CDH4: variants seen among roughly 807,000 people sequenced by gnomAD.
The protein encoded by CDH4 is cadherin 4.
A neutral mutation model predicts 86.0 loss-of-function variants in CDH4; 33 were observed. The observed-to-expected ratio is 0.38, with a 90% CI of 0.29 to 0.51. The LOEUF (loss-of-function observed/expected upper bound fraction) is 0.51, where lower values mean the gene tolerates loss of function less well. Among genes scored for constraint, CDH4 ranks in the 20% least tolerant of loss-of-function variants. The pLI is 0.86. For missense variants in CDH4, 1,114 were observed against 1,307.4 expected, an observed-to-expected ratio of 0.85 and a Z score of 2.28; for synonymous variants, 555 against 549.4, an observed-to-expected ratio of 1.01 and a Z score of -0.14.
At chr20:61,720,373 CAGGGGTGCAGAGTGT>C in intron 2 of CDH4, among the ~76,000 whole-genome samples, 2 of 151,808 alleles carry the variant, frequency 1.3e-5, no homozygotes, top group Non-Finnish European at 2.9e-5. Flanking sequence ...GGGACACGTG[CAGGGGTGCAGAGTGT>C]AGGGGTGCAG....
chr20:61,659,631 C>T (rs2087230496), intron 2 of CDH4, among the ~76,000 whole-genome samples: 1 of 140,628 alleles, frequency 7.1e-6, no homozygotes, highest in Admixed American at 7.2e-5. Flanking sequence ...GGGCCTCAGC[C>T]ATCTGAGGCT....
chr20:61,546,635 AT>A (rs1168327035), intron 2 of CDH4, among the ~76,000 whole-genome samples: 1 of 151,808 alleles, frequency 6.6e-6, no homozygotes, highest in African/African-American at 2.4e-5. Context: ...CAGATATGAA[AT>A]GAGAGAACAG....
intron 3 of CDH4, among the ~76,000 whole-genome samples, chr20:61,748,834 C>T (rs79240145): frequency 0.11 from 13,553 of 119,250 alleles, 684 homozygotes; most frequent in African/African-American, 0.15. Flanking sequence ...TAAGTAGTAA[C>T]GTAATAAAAG....
At chr20:61,409,535 G>A (rs2085103903) in intron 2 of CDH4, among the ~76,000 whole-genome samples, 1 of 152,206 alleles carries the variant, frequency 6.6e-6, no homozygotes, top group Admixed American at 6.5e-5. Flanking sequence ...CTGGGCAGTC[G>A]GGACTCACCG....
intron 3 of CDH4, among the ~76,000 whole-genome samples, chr20:61,764,708 A>G (rs1265733549): frequency 6.6e-6 from 1 of 152,204 alleles, no homozygotes; most frequent in Admixed American, 6.5e-5. Context: ...CCCCAGATGT[A>G]AAGTGAAGCT....
At chr20:61,847,540 CGTGTAAACATGCG>C (rs1425979838) in intron 5 of CDH4, among the ~76,000 whole-genome samples, 2 of 152,134 alleles carry the variant, frequency 1.3e-5, no homozygotes, top group Non-Finnish European at 2.9e-5. Flanking sequence ...GCAAACATGC[CGTGTAAACATGCG>C]GTGTAAACAC....
intron 2 of CDH4, among the ~76,000 whole-genome samples, chr20:61,335,213 G>C (rs2084610773): frequency 6.6e-6 from 1 of 152,228 alleles, no homozygotes; most frequent in Non-Finnish European, 1.5e-5. Context: ...ATGTGCAGGG[G>C]CCAAGCCAGC....
chr20:61,748,142 C>CT (rs961103859), intron 3 of CDH4, among the ~76,000 whole-genome samples: 30 of 151,278 alleles, frequency 2.0e-4, no homozygotes, highest in Admixed American at 8.5e-4. Flanking sequence ...GATTTCTTTT[C>CT]TTTTTTTTGA....
intron 3 of CDH4, among the ~76,000 whole-genome samples, chr20:61,747,207 C>G (rs1209803509): frequency 6.6e-6 from 1 of 152,100 alleles, no homozygotes; most frequent in Non-Finnish European, 1.5e-5. Context: ...TTTGGGAGGC[C>G]GAGGCGGGCG....
intron 2 of CDH4, among the ~76,000 whole-genome samples, chr20:61,727,508 T>A (rs2088130417): frequency 6.6e-6 from 1 of 152,212 alleles, no homozygotes; most frequent in Non-Finnish European, 1.5e-5. Context: ...CCACCTTTAT[T>A]ACTTTAAAGG....
intron 4 of CDH4, among the ~76,000 whole-genome samples, chr20:61,816,682 G>A (rs533319096): frequency 1.3e-4 from 16 of 121,120 alleles, no homozygotes; most frequent in African/African-American, 2.5e-4. Flanking sequence ...TGAATCGCAC[G>A]TTAAATGGGG....
chr20:61,715,748 C>T (rs985031753), intron 2 of CDH4, among the ~76,000 whole-genome samples: 2 of 152,194 alleles, frequency 1.3e-5, no homozygotes, highest in Non-Finnish European at 2.9e-5. Flanking sequence ...TGACTCAGGT[C>T]TCAGAGCAAG....
chr20:61,434,617 T>C (rs1477254395), intron 2 of CDH4: 2 of 152,190 alleles, frequency 1.3e-5, no homozygotes, highest in East Asian at 1.9e-4. Context: ...AAGTACCTGC[T>C]TCTCGTTCAT....
intron 2 of CDH4, among the ~76,000 whole-genome samples, chr20:61,702,356 A>C (rs1201394529): frequency 6.6e-6 from 1 of 152,194 alleles, no homozygotes; most frequent in African/African-American, 2.4e-5. Flanking sequence ...AGGTGTGTGC[A>C]GAGTTAGACG....
Position 61,815,327 on chromosome 20 carries a change from G to A in CDH4, c.577-29341G>A, listed in dbSNP as rs145009392. On this transcript the variant is annotated intron_variant, in intron 4 of 15. Transcript: ENST00000614565. The stretch of plus-strand genomic sequence containing the variant: ...CGTGGGGCTACCTGTCATGAGTCTC[G>A]TGTACGATGCTTTGTGCCCACGAAG... 1.3e-3 allele frequency among the ~76,000 whole-genome samples: 195 copies of A among 152,320 alleles called. 1 individual carries two copies. The highest frequency in any genetic ancestry group is 4.2e-3 in the African/African-American group (176 of 41,566).
At chr20:61,909,352 G>A (rs909960349) in intron 8 of CDH4, among the ~76,000 whole-genome samples, 4 of 152,212 alleles carry the variant, frequency 2.6e-5, no homozygotes, top group Non-Finnish European at 5.9e-5. Context: ...GCAGAAGCCA[G>A]ACACAAGTGC....
At position 61,917,949 on chromosome 20, in the gene CDH4, C is replaced by T. The variant is rs542894751; in HGVS notation, c.1375-5502C>T. Among the ~76,000 whole-genome samples, 44 of 152,356 alleles carry T rather than the reference C, an allele frequency of 2.9e-4. 1 individual carries two copies. In the South Asian group the frequency reaches 8.7e-3, roughly 30 times the overall value. ...GACATGCAGCATTATTCCATGTCCCCGGGAACATGAGCCAATAAATATGGG... is the reference window on the plus strand; with the variant it reads ...GACATGCAGCATTATTCCATGTCCCTGGGAACATGAGCCAATAAATATGGG... On this transcript the variant is annotated intron_variant, in intron 9 of 15. Coordinates refer to ENST00000614565, the MANE Select transcript of CDH4 (RefSeq NM_001794.5).
chr20:61,557,704 C>T (rs558450571), intron 2 of CDH4, among the ~76,000 whole-genome samples: 8 of 148,770 alleles, frequency 5.4e-5, no homozygotes, highest in East Asian at 2.2e-4. Flanking sequence ...TCGATTTCGG[C>T]GGGAGAGGGA....
At chr20:61,796,719 G>A (rs1290987649) in intron 4 of CDH4, among the ~76,000 whole-genome samples, 1 of 152,204 alleles carries the variant, frequency 6.6e-6, no homozygotes, top group Non-Finnish European at 1.5e-5. Flanking sequence ...GCCGCCCAGA[G>A]GTGTCAGGGC....
Sources: gnomAD v4.1 joint callset for allele counts (sites outside exome capture counted in the v4.1 genomes callset) on GRCh38, gnomAD v4.1.1 for gene constraint, MANE v1.5 for transcripts, NCBI Gene and HGNC (gene_info 2026-07-23, HGNC 2026-07-21) for gene names.